The following PTPRG variants were observed in gnomAD, a reference collection of about 807,000 sequenced individuals.
PTPRG encodes the protein receptor-type tyrosine-protein phosphatase gamma.
Under a neutral mutation model 165.3 loss-of-function variants are expected in PTPRG, and 102 were observed. The observed-to-expected ratio is 0.62, with a 90% CI of 0.53 to 0.73. The LOEUF (loss-of-function observed/expected upper bound fraction) is 0.73, where lower values mean the gene tolerates loss of function less well. Among genes scored for constraint, PTPRG ranks in the 30% least tolerant of loss-of-function variants. The probability of loss-of-function intolerance (pLI) is 0.00; values close to 1 mark genes in which losing one functional copy is unlikely to be tolerated. For missense variants in PTPRG, 1,866 were observed against 1,861.4 expected, an observed-to-expected ratio of 1.00 and a Z score of -0.05; for synonymous variants, 675 against 669.5, an observed-to-expected ratio of 1.01 and a Z score of -0.13.
chr3:61,904,332 A>G (rs2038586585), intron 2 of PTPRG, among the ~76,000 whole-genome samples: 2 of 152,168 alleles, frequency 1.3e-5, no homozygotes, highest in Non-Finnish European at 2.9e-5. Flanking sequence ...TTGTGCCAAG[A>G]GAAAGAAGTG....
chr3:62,030,945 A>G lies in PTPRG; in HGVS notation c.519+27448A>G, dbSNP rs1176006803. Among the ~76,000 whole-genome samples, 7 of 152,332 alleles carry G rather than the reference A, an allele frequency of 4.6e-5. No homozygotes were observed. The South Asian group carries it at 8.3e-4, about 18-fold the overall frequency. On this transcript the variant is annotated intron_variant, in intron 4 of 29. Transcript: ENST00000474889. ...ATGGATTTGAATAAAAATATCCAAG[A>G]CACAATTTGTTGGTGTAAACCAATT...
chr3:62,275,839 TTGAA>T (rs754203883), intron 23 of PTPRG, 30 bp from the exon 24 acceptor site: 2 of 1,500,388 alleles, frequency 1.3e-6, no homozygotes, highest in East Asian at 2.3e-5. Context: ...AATTATATCT[TTGAA>T]TGAAGACTAA....
At chr3:62,158,650 TGGGGCAGGTTCCCTAGAAGAAGGTA>T (rs1206042979) in intron 7 of PTPRG, among the ~76,000 whole-genome samples, 1 of 152,138 alleles carries the variant, frequency 6.6e-6, no homozygotes, top group African/African-American at 2.4e-5. Context: ...AGTGGGTAAA[TGGGGCAGGTTCCCTAGAAGAAGGTA>T]GGGGCAGTAG....
chr3:62,215,547 C>CCCCCT (rs1700476316), intron 12 of PTPRG, among the ~76,000 whole-genome samples: 2 of 65,840 alleles, frequency 3.0e-5, no homozygotes, highest in African/African-American at 1.1e-4. Context: ...CCTACGGGAA[C>CCCCCT]CCCCCCCCCC....
intron 28 of PTPRG, among the ~76,000 whole-genome samples, chr3:62,287,932 C>CACTT (rs1279463186): frequency 1.3e-5 from 2 of 152,002 alleles, no homozygotes; most frequent in African/African-American, 4.8e-5. Context: ...GATTACAACC[C>CACTT]ACTTACATTA....
chr3:61,699,455 CCA>C (rs1559562684), intron 1 of PTPRG, among the ~76,000 whole-genome samples: 3 of 152,122 alleles, frequency 2.0e-5, no homozygotes, highest in African/African-American at 7.2e-5. Flanking sequence ...GGTCTTTGGA[CCA>C]CAGTTTGAGA....
intron 2 of PTPRG, among the ~76,000 whole-genome samples, chr3:61,838,321 C>CTGA (rs1181960208): frequency 3.3e-5 from 5 of 152,292 alleles, no homozygotes; most frequent in Non-Finnish European, 5.9e-5. Context: ...GAAGTTGGGC[C>CTGA]TGACTGGAGA....
chr3:61,581,657 T>A (rs1700298512), intron 1 of PTPRG, among the ~76,000 whole-genome samples: 2 of 150,824 alleles, frequency 1.3e-5, no homozygotes, highest in Admixed American at 6.6e-5. Context: ...TCCCCCAGGC[T>A]GGAGCGCAGT....
chr3:62,263,208 C>G (rs1445739900), intron 17 of PTPRG: 1 of 246,820 alleles, frequency 4.1e-6, no homozygotes, highest in Non-Finnish European at 7.7e-6. Context: ...CTTGGTTACA[C>G]TGACATTGTT....
At chr3:61,783,076 G>A (rs1371626881) in intron 2 of PTPRG, among the ~76,000 whole-genome samples, 1 of 152,158 alleles carries the variant, frequency 6.6e-6, no homozygotes, top group Non-Finnish European at 1.5e-5. Context: ...AAAATACTGG[G>A]ATTACAGGCA....
chr3:62,288,891 T>C (rs556072525), intron 28 of PTPRG, among the ~76,000 whole-genome samples: 5 of 152,272 alleles, frequency 3.3e-5, no homozygotes, highest in African/African-American at 1.2e-4. Flanking sequence ...TACTGTACTA[T>C]TGGGCTTTGG....
chr3:61,923,850 A>G (rs941342514), intron 2 of PTPRG, among the ~76,000 whole-genome samples: 9 of 151,508 alleles, frequency 5.9e-5, no homozygotes, highest in African/African-American at 2.2e-4. Context: ...TGGTTTTTCT[A>G]TCACTATGCT....
At chr3:61,573,766 C>G (rs1700115345) in intron 1 of PTPRG, among the ~76,000 whole-genome samples, 1 of 152,112 alleles carries the variant, frequency 6.6e-6, no homozygotes, top group South Asian at 2.1e-4. Context: ...ATTGATGTCA[C>G]TGTATGTAGT....
intron 13 of PTPRG, among the ~76,000 whole-genome samples, chr3:62,227,188 A>G (rs1700782204): frequency 1.3e-5 from 2 of 152,202 alleles, no homozygotes; most frequent in Non-Finnish European, 2.9e-5. Context: ...GTACTGCCAC[A>G]GTAGCAACAA....
At chr3:61,713,327 A>ATTTTTTTTTT (rs556907427) in intron 1 of PTPRG, among the ~76,000 whole-genome samples, 16 of 135,516 alleles carry the variant, frequency 1.2e-4, no homozygotes, top group African/African-American at 2.4e-4. Flanking sequence ...CGCTCAGCTA[A>ATTTTTTTTTT]TTTTTTTTTT....
At position 62,264,581 on chromosome 3, in the gene PTPRG, G is replaced by GCA. The variant is rs1701804124; in HGVS notation, c.2656+1688_2656+1689dup. Among the ~76,000 whole-genome samples, 5 of 151,742 alleles carry GCA rather than the reference G, an allele frequency of 3.3e-5. No individual in the cohort carries two copies. In the South Asian group the frequency reaches 1.0e-3, roughly 32 times the overall value. ...TTGTGTCTGGCTTCTTTAATTTAGC[G>GCA]CAATGATTTCAACACTCATCCATGT... is the stretch of plus-strand genomic sequence containing the variant. On this transcript the variant is annotated intron_variant, in intron 17 of 29. Coordinates refer to ENST00000474889, the MANE Select transcript of PTPRG (RefSeq NM_002841.4).
Position 61,869,603 on chromosome 3 carries a change from G to T in PTPRG, c.191-120022G>T, listed in dbSNP as rs114365587. ...CCTCCCTTCACCTCTTTGTCTGACA[G>T]AGTCTTACTCTGTCACCCAGGCGGG... is the stretch of plus-strand genomic sequence containing the variant. On this transcript the variant is annotated intron_variant, in intron 2 of 29. Coordinates refer to ENST00000474889, the MANE Select transcript of PTPRG (RefSeq NM_002841.4). 4.3e-3 allele frequency among the ~76,000 whole-genome samples: 629 copies of T among 147,772 alleles called. 1 individual carries two copies. The highest frequency in any genetic ancestry group is 0.015 in the African/African-American group (593 of 40,000).
intron 2 of PTPRG, among the ~76,000 whole-genome samples, chr3:61,928,093 C>T (rs960025561): frequency 5.9e-5 from 9 of 152,150 alleles, no homozygotes; most frequent in African/African-American, 2.2e-4. Context: ...TATTTCTCTT[C>T]TGCTATAAGG....
Position 62,191,442 on chromosome 3 carries a change from C to G in PTPRG, c.1034-27C>G. On this transcript the variant is annotated intron_variant, in intron 8 of 29. Coordinates refer to ENST00000474889, the MANE Select transcript of PTPRG (RefSeq NM_002841.4). ...GAATGGCGCATTGTTCTGAAAGCTC[C>G]CTGAGCTGAGCCCTGTGTATCTTCA... 1.9e-6 allele frequency: 3 copies of G among 1,607,598 alleles called. No individual in the cohort carries two copies. In the East Asian group the frequency reaches 6.7e-5, roughly 36 times the overall value.
Sources: allele counts gnomAD v4.1 joint callset (sites outside exome capture counted in the v4.1 genomes callset), GRCh38; gene constraint gnomAD v4.1.1; transcripts MANE v1.5; gene names NCBI Gene and HGNC (gene_info 2026-07-23, HGNC 2026-07-21).